The following GREB1 variants were observed in gnomAD, a reference collection of about 807,000 sequenced individuals.
GREB1 encodes the protein protein GREB1.
GREB1 carries 106 observed loss-of-function variants against 200.7 expected under a neutral mutation model. The observed-to-expected ratio is 0.53, with a 90% confidence interval of 0.45 to 0.62. The LOEUF is 0.62. GREB1 is among the 20% of genes least tolerant of loss of function. The pLI is 0.00. For missense variants in GREB1, 2,243 were observed against 2,556.8 expected, an observed-to-expected ratio of 0.88 and a Z score of 2.65; for synonymous variants, 1,132 against 1,092.4, an observed-to-expected ratio of 1.04 and a Z score of -0.72.
intron 4 of GREB1, among the ~76,000 whole-genome samples, chr2:11,571,419 C>T (rs928868565): frequency 1.3e-5 from 2 of 152,234 alleles, no homozygotes; most frequent in Non-Finnish European, 2.9e-5. Flanking sequence ...TGTGCTGGAA[C>T]AGCCAGTCCC....
intron 1 of GREB1, among the ~76,000 whole-genome samples, chr2:11,504,452 A>G (rs916642492): frequency 2.6e-5 from 4 of 152,196 alleles, no homozygotes; most frequent in African/African-American, 7.2e-5. Flanking sequence ...TTTTTAGTAG[A>G]TTTACAAAGT....
intron 9 of GREB1, among the ~76,000 whole-genome samples, 177 bp downstream of exon 9, chr2:11,586,082 CT>C (rs1212747170): frequency 2.0e-5 from 3 of 152,204 alleles, no homozygotes; most frequent in Non-Finnish European, 2.9e-5. Context: ...AGCTCAGCCC[CT>C]GATCAGATGC....
At chr2:11,600,681 C>T in intron 15 of GREB1, 119 bp from the exon 16 acceptor site, 1 of 792,708 alleles carries the variant, frequency 1.3e-6, no homozygotes, top group Non-Finnish European at 2.1e-6. Flanking sequence ...AGGGGCAGAG[C>T]CATAATCTTT....
At chr2:11,608,602 C>G (rs1039033705) in intron 17 of GREB1, among the ~76,000 whole-genome samples, 1 of 152,156 alleles carries the variant, frequency 6.6e-6, no homozygotes, top group East Asian at 1.9e-4. Context: ...TAGTCAGGAC[C>G]AGAGCAGTAT....
chr2:11,616,475 G>A (rs1021495909), intron 20 of GREB1, among the ~76,000 whole-genome samples, 156 bp from the exon 21 acceptor site: 3 of 152,246 alleles, frequency 2.0e-5, no homozygotes, highest in Non-Finnish European at 4.4e-5. Context: ...TCTCCTCAGT[G>A]CTCTGTCCAT....
chr2:11,621,276 A>C (rs886153155), intron 23 of GREB1, among the ~76,000 whole-genome samples: 7 of 152,174 alleles, frequency 4.6e-5, no homozygotes, highest in Admixed American at 3.9e-4. Context: ...TGCACAAGTT[A>C]CCATGTCAAT....
chr2:11,579,832 T>C (rs139239903), intron 6 of GREB1, among the ~76,000 whole-genome samples: 1,886 of 151,970 alleles, frequency 0.012, 44 homozygotes, highest in African/African-American at 0.044. Context: ...ACCTGGGGAG[T>C]CCTGGGCCCT....
intron 1 of GREB1, among the ~76,000 whole-genome samples, chr2:11,512,874 C>T (rs1164522530): frequency 3.9e-5 from 6 of 152,158 alleles, no homozygotes; most frequent in Admixed American, 3.9e-4. Context: ...TTTACTTAGG[C>T]GGATATGGCT....
At position 11,580,984 on chromosome 2, in the gene GREB1, T is replaced by C; in HGVS notation, c.901+152T>C. The C allele has an allele frequency of 2.1e-6, 2 of 931,670 alleles. No homozygotes were observed. The highest frequency in any genetic ancestry group is 3.4e-6 in the Non-Finnish European group (2 of 579,746). The allele number at this position is 931,670 out of a possible 1,614,324, so 57.7% of individuals were successfully genotyped here. A position where few individuals can be genotyped will look rare whatever the true frequency, so the allele number is the denominator to read the frequency against. On this transcript the variant is annotated intron_variant, in intron 7 of 32. Coordinates refer to ENST00000381486, the MANE Select transcript of GREB1 (RefSeq NM_014668.4). This position sits in a 1 kb window ranked among gnomAD's most constrained non-coding sequence, Gnocchi z 4.5. ...TCAGGCCAGGACCACAGGTGCCTCC[T>C]GAGTCCGTGGGTCTGGGCCCAGGCC...
At chr2:11,617,519 A>C (rs1240840252) in intron 21 of GREB1, among the ~76,000 whole-genome samples, 1 of 152,222 alleles carries the variant, frequency 6.6e-6, no homozygotes, top group Non-Finnish European at 1.5e-5. Context: ...ACATATGAAG[A>C]AGTCTGTAAT....
chr2:11,617,358 C>A (rs1683505041), intron 21 of GREB1, among the ~76,000 whole-genome samples: 1 of 152,214 alleles, frequency 6.6e-6, no homozygotes, highest in Non-Finnish European at 1.5e-5. Context: ...CAGTCCCTGT[C>A]TTTCCGCCAA....
chr2:11,625,911 T>C (rs1196049263), intron 24 of GREB1, among the ~76,000 whole-genome samples: 3 of 152,072 alleles, frequency 2.0e-5, no homozygotes, highest in Non-Finnish European at 2.9e-5. Flanking sequence ...ACAATCGTGG[T>C]GGAAGGTGAA....
rs370300702 is a variant in GREB1, at chr2:11,618,572, G to A, written c.3697G>A (p.Val1233Met). 35 of 1,612,948 alleles carry A rather than the reference G, an allele frequency of 2.2e-5. No homozygotes were observed. The highest frequency in any genetic ancestry group is 3.3e-4 in the Middle Eastern group (2 of 6,058). The change falls in exon 22 of 33, where the codon GTG (valine) becomes ATG (methionine). Residue 1233 changes from valine (V) to methionine (M), a missense_variant. Physicochemically the swap from Val to Met is conservative, Grantham distance 21. Around this residue, in one of 3 missense-constraint regions of GREB1, gnomAD observed 587 missense variants for 553.1 expected, o/e 1.06. Transcript: ENST00000381486. The part of the protein sequence containing the change: ...SSSSGSSSSS[V>M]APAAGTWVLQ... ...CTCCTCGGGCTCATCCTCCTCATCC[G>A]TGGCGCCCGCTGCCGGCACGTGGGT...
Position 11,588,848 on chromosome 2 carries a change from A to T in GREB1, c.1262A>T (p.Tyr421Phe). 1.2e-6 allele frequency: 2 copies of T among 1,614,116 alleles called. No individual in the cohort carries two copies. Among genetic ancestry groups the T allele is most frequent in the East Asian group, 2.2e-5 (1 of 44,876 alleles). ...YQNSQSVSRA[Y>F]EQYGASAIQP... ...AATTCCCAGTCTGTCTCACGGGCAT[A>T]CGAGCAGTACGGCGCCTCTGCCATC... Residue 421 changes from tyrosine (Y) to phenylalanine (F), a missense_variant, in exon 10 of 33, where the codon TAC (tyrosine) becomes TTC (phenylalanine). By Grantham distance (22) the Tyr-to-Phe change is conservative. Coordinates refer to ENST00000381486, the MANE Select transcript of GREB1 (RefSeq NM_014668.4).
At chr2:11,498,794 C>T (rs1672954475) in intron 1 of GREB1, among the ~76,000 whole-genome samples, 1 of 152,136 alleles carries the variant, frequency 6.6e-6, no homozygotes, top group Non-Finnish European at 1.5e-5. Flanking sequence ...GCTGGGTGCC[C>T]GTTTTGTCTC....
At chr2:11,604,706 A>G (rs1460440649) in intron 17 of GREB1, among the ~76,000 whole-genome samples, 4 of 152,228 alleles carry the variant, frequency 2.6e-5, no homozygotes, top group African/African-American at 9.6e-5. Flanking sequence ...TGGTGGCAAC[A>G]TGGACTGCAG....
In GREB1 at chr2:11,640,907, T is replaced by C. The variant is rs1685767501; in HGVS notation, c.*453T>C. On this transcript the variant is annotated 3_prime_UTR_variant, in exon 33 of 33. Transcript: ENST00000381486. This position sits in a 1 kb window ranked among gnomAD's most constrained non-coding sequence, Gnocchi z 4.6. ...CAATATTCCAAAGGAACATTTTAACTGTAAAGGCTGGAGACAAGAAAAAAT... is the reference window on the plus strand; with the variant it reads ...CAATATTCCAAAGGAACATTTTAACCGTAAAGGCTGGAGACAAGAAAAAAT... The C allele has an allele frequency of 6.3e-6, 1 of 158,434 alleles. No homozygotes were observed. Among genetic ancestry groups the C allele is most frequent in the African/African-American group, 2.4e-5 (1 of 41,542 alleles). The allele number at this position is 158,434 out of a possible 1,614,324, so 9.8% of individuals were successfully genotyped here.
chr2:11,557,266 G>A (rs903275743), intron 2 of GREB1, among the ~76,000 whole-genome samples: 4 of 152,208 alleles, frequency 2.6e-5, no homozygotes, highest in African/African-American at 9.7e-5. Context: ...GCATAGGGAT[G>A]ACTTTTTAGA....
At chr2:11,526,463 A>G (rs767360155) in intron 1 of GREB1, among the ~76,000 whole-genome samples, 2 of 152,174 alleles carry the variant, frequency 1.3e-5, no homozygotes, top group Non-Finnish European at 2.9e-5. Flanking sequence ...ATTAAATAAC[A>G]TTATGTATTC....
Sources: gnomAD v4.1 joint callset for allele counts (sites outside exome capture counted in the v4.1 genomes callset) on GRCh38, gnomAD v4.1.1 for gene constraint, gnomAD v4.1.1 regional missense constraint, Gnocchi (gnomAD v3.1) non-coding constraint, MANE v1.5 for transcripts, NCBI Gene and HGNC (gene_info 2026-07-23, HGNC 2026-07-21) for gene names.